Variants in DGLUCY observed in about 807,000 individuals in gnomAD.
The protein encoded by DGLUCY is D-glutamate cyclase, mitochondrial.
DGLUCY carries 58 observed loss-of-function variants against 58.5 expected under a neutral mutation model. That is an observed-to-expected ratio of 0.99 (90% CI 0.80 to 1.23). The LOEUF is 1.23. Ranked by LOEUF, DGLUCY falls within the 50% of genes most tolerant of loss-of-function variation. The pLI, the probability that DGLUCY is intolerant of heterozygous loss-of-function variation, is 0.00. For synonymous variants in DGLUCY, 325 were observed against 314.1 expected (o/e 1.03, Z -0.37); for missense variants, 779 against 784.7 (o/e 0.99, Z 0.09).
chr14:91,217,524 A>G (rs1411773529), intron 13 of DGLUCY, among the ~76,000 whole-genome samples: 1 of 138,210 alleles, frequency 7.2e-6, no homozygotes, highest in Non-Finnish European at 1.5e-5. Flanking sequence ...TGCTCTTGTC[A>G]CCCAGGCTGG....
intron 8 of DGLUCY, 88 bp downstream of exon 8, chr14:91,181,477 G>A (rs2049164327): frequency 7.4e-7 from 1 of 1,348,488 alleles, no homozygotes; most frequent in African/African-American, 1.5e-5. Flanking sequence ...AGTGAAAAAG[G>A]TGGGATGCAA....
At chr14:91,187,290 G>A (rs889867745) in intron 8 of DGLUCY, among the ~76,000 whole-genome samples, 38 of 152,104 alleles carry the variant, frequency 2.5e-4, no homozygotes, top group African/African-American at 6.0e-4. Flanking sequence ...GAGCCACCCC[G>A]CCCAGCCAAC....
intron 1 of DGLUCY, among the ~76,000 whole-genome samples, chr14:91,072,522 A>T (rs2043939534): frequency 6.6e-6 from 1 of 152,116 alleles, no homozygotes; most frequent in South Asian, 2.1e-4. Context: ...ATTAAACTTA[A>T]TTTTACTTAA....
intron 12 of DGLUCY, 142 bp downstream of exon 12, chr14:91,204,967 T>A (rs941985086): frequency 3.6e-6 from 4 of 1,111,422 alleles, no homozygotes; most frequent in Non-Finnish European, 5.1e-6. Context: ...GTGCTCAGCC[T>A]ATGACCTTTC....
intron 1 of DGLUCY, among the ~76,000 whole-genome samples, chr14:91,134,675 T>A (rs574109272): frequency 6.6e-5 from 10 of 152,136 alleles, no homozygotes; most frequent in Non-Finnish European, 1.5e-4. Flanking sequence ...TGACCTCAGA[T>A]GATCCACCTG....
At chr14:91,168,301 G>A (rs867359580) in intron 4 of DGLUCY, among the ~76,000 whole-genome samples, 6 of 139,870 alleles carry the variant, frequency 4.3e-5, no homozygotes, top group Admixed American at 1.5e-4. Flanking sequence ...AAATTCTTCA[G>A]CATCTTCTTA....
intron 1 of DGLUCY, among the ~76,000 whole-genome samples, chr14:91,063,169 G>A (rs997947275): frequency 6.6e-6 from 1 of 152,066 alleles, no homozygotes; most frequent in Non-Finnish European, 1.5e-5. Flanking sequence ...CTTTAAAAAT[G>A]AGTAGGTTTT....
chr14:91,129,448 T>C (rs1311057339), intron 1 of DGLUCY, among the ~76,000 whole-genome samples: 1 of 152,042 alleles, frequency 6.6e-6, no homozygotes, highest in Admixed American at 6.6e-5. Flanking sequence ...TATATAAGAA[T>C]ATGCTAGCCG....
At chr14:91,176,247 G>C (rs967189449) in intron 7 of DGLUCY, among the ~76,000 whole-genome samples, 191 bp downstream of exon 7, 1 of 151,804 alleles carries the variant, frequency 6.6e-6, no homozygotes, top group African/African-American at 2.4e-5. Context: ...TTTTTTTTGA[G>C]ACAGGGTCTC....
At chr14:91,089,333 A>C (rs1471942836) in intron 1 of DGLUCY, among the ~76,000 whole-genome samples, 1 of 152,240 alleles carries the variant, frequency 6.6e-6, no homozygotes, top group African/African-American at 2.4e-5. Context: ...CTAGAGCCAC[A>C]GGGCAGAAAG....
At chr14:91,220,850 A>G (rs941223476) in intron 13 of DGLUCY, 2 of 365,316 alleles carry the variant, frequency 5.5e-6, no homozygotes, top group African/African-American at 4.2e-5. Flanking sequence ...AGCCCTTTAC[A>G]AGAGATCACA....
intron 13 of DGLUCY, chr14:91,220,430 TCTTTA>T: frequency 2.2e-6 from 1 of 452,360 alleles, no homozygotes; most frequent in Non-Finnish European, 4.5e-6. Context: ...CAAGGTCCTT[TCTTTA>T]CTTTCAGTCA....
chr14:91,116,670 G>T (rs1471704424), intron 1 of DGLUCY, among the ~76,000 whole-genome samples: 2 of 152,166 alleles, frequency 1.3e-5, no homozygotes, highest in African/African-American at 2.4e-5. Flanking sequence ...AATAGGCCGG[G>T]CGTGGTGGCT....
chr14:91,210,839 A>G (rs1420150289), intron 12 of DGLUCY, among the ~76,000 whole-genome samples: 1 of 152,222 alleles, frequency 6.6e-6, no homozygotes, highest in Non-Finnish European at 1.5e-5. Context: ...ACTATTTTCA[A>G]CATTGTATTG....
At chr14:91,150,882 C>T (rs1220548800) in intron 1 of DGLUCY, among the ~76,000 whole-genome samples, 1 of 152,108 alleles carries the variant, frequency 6.6e-6, no homozygotes, top group East Asian at 1.9e-4. Context: ...TGTTGTGCAA[C>T]CATCACCACT....
chr14:91,086,085 G>A (rs996852733), intron 1 of DGLUCY, among the ~76,000 whole-genome samples: 3 of 152,128 alleles, frequency 2.0e-5, no homozygotes, highest in Admixed American at 6.6e-5. Context: ...TGTGAACTGC[G>A]CATGTGAGGG....
intron 1 of DGLUCY, among the ~76,000 whole-genome samples, chr14:91,079,813 A>G (rs2140044485): frequency 6.6e-6 from 1 of 152,350 alleles, no homozygotes; most frequent in East Asian, 1.9e-4. Flanking sequence ...ATTATGGTAA[A>G]TATATATAAC....
At chr14:91,170,794 G>T (rs552675388) in intron 5 of DGLUCY, among the ~76,000 whole-genome samples, 1 of 152,190 alleles carries the variant, frequency 6.6e-6, no homozygotes, top group Non-Finnish European at 1.5e-5. Context: ...ACATCTGTTG[G>T]TAAAGTCTGA....
At chr14:91,142,348 A>G (rs1318070302) in intron 1 of DGLUCY, among the ~76,000 whole-genome samples, 2 of 152,166 alleles carry the variant, frequency 1.3e-5, no homozygotes, top group African/African-American at 4.8e-5. Context: ...CTGGAGAGCT[A>G]CACTTTGAGA....
Sources: gnomAD v4.1 joint callset for allele counts (sites outside exome capture counted in the v4.1 genomes callset) on GRCh38, gnomAD v4.1.1 for gene constraint, MANE v1.5 for transcripts, NCBI Gene and HGNC (gene_info 2026-07-23, HGNC 2026-07-21) for gene names.